The following AMER3 variants were observed in gnomAD, a reference collection of about 807,000 sequenced individuals.
AMER3 encodes the protein family with sequence similarity 123C.
For synonymous variants in AMER3, 541 were observed against 485.5 expected (o/e 1.11, Z -1.50); for missense variants, 1,201 against 1,139.4 (o/e 1.05, Z -0.78).
At position 130,764,502 on chromosome 2, in the gene AMER3, A is replaced by C; in HGVS notation, c.2430A>C (p.Pro810=). 1 of 1,601,656 alleles carries C rather than the reference A, an allele frequency of 6.2e-7. No individual in the cohort carries two copies. Among genetic ancestry groups the C allele is most frequent in the Non-Finnish European group, 8.5e-7 (1 of 1,174,660 alleles). Residue 810 remains proline, a synonymous_variant, in exon 2 of 2, where the codon CCA becomes CCC. Coordinates refer to ENST00000321420, the MANE Select transcript of AMER3 (RefSeq NM_152698.3). ...GGTGGAGTTCCCAGGGCCACCATCCAGAAAGCCTGGGCCTCACTTTGAACA... is the reference window on the plus strand; with the variant it reads ...GGTGGAGTTCCCAGGGCCACCATCCCGAAAGCCTGGGCCTCACTTTGAACA... ...AARWSSQGHH[P]ESLGLTLNSQ...
chr2:130,759,079 A>G (rs1678703687), intron 1 of AMER3, among the ~76,000 whole-genome samples: 1 of 152,242 alleles, frequency 6.6e-6, no homozygotes, highest in Non-Finnish European at 1.5e-5. Flanking sequence ...AAACATTTTA[A>G]TATGGATTTG....
At chr2:130,759,352 C>G (rs1678711455) in intron 1 of AMER3, among the ~76,000 whole-genome samples, 1 of 152,190 alleles carries the variant, frequency 6.6e-6, no homozygotes, top group Admixed American at 6.5e-5. Context: ...GTTATGAGAA[C>G]TGAGAAACTG....
chr2:130,764,222 T>C lies in AMER3; in HGVS notation c.2150T>C (p.Leu717Pro), dbSNP rs1004932923. 1.9e-6 allele frequency: 3 copies of C among 1,609,608 alleles called. No individual in the cohort carries two copies. The highest frequency in any genetic ancestry group is 2.5e-6 in the Non-Finnish European group (3 of 1,177,964). ...CGCTGGGCCAGGGGCCCTGACATGC[T>C]GGAGCAGAAACAGTCCAGCAGCTCC... ...GQRWARGPDM[L>P]EQKQSSSSPS... The change falls in exon 2 of 2, where the codon CTG (leucine) becomes CCG (proline). Residue 717 changes from leucine to proline, a missense_variant. Transcript: ENST00000321420.
intron 1 of AMER3, among the ~76,000 whole-genome samples, chr2:130,757,917 G>A (rs1005411494): frequency 3.3e-5 from 5 of 152,148 alleles, no homozygotes; most frequent in African/African-American, 1.2e-4. Flanking sequence ...AGGATCACAA[G>A]GTCAAGAGAT....
chr2:130,763,855 C>G lies in AMER3; in HGVS notation c.1783C>G (p.Leu595Val). ...LGGATQGTGT[L>V]SRDASREEET... ...AGGGGCCACACAAGGGACTGGCACA[C>G]TGTCCAGGGATGCCTCTCGAGAGGA... Residue 595 changes from leucine to valine, a missense_variant, in exon 2 of 2, where the codon CTG becomes GTG. Coordinates refer to ENST00000321420, the MANE Select transcript of AMER3 (RefSeq NM_152698.3). 6.2e-7 allele frequency: 1 copy of G among 1,613,416 alleles called. No individual in the cohort carries two copies. The highest frequency in any genetic ancestry group is 8.5e-7 in the Non-Finnish European group (1 of 1,180,020).
rs1678825329 is a variant in AMER3, at chr2:130,762,612, G to C, written c.540G>C (p.Glu180Asp). ...KTEDLASLAA[E>D]GKSLPSPGDP... ...AGGACTTGGCCTCGCTGGCGGCCGA[G>C]GGGAAAAGCCTGCCCTCCCCAGGGG... Residue 180 changes from glutamate to aspartate, a missense_variant, in exon 2 of 2, where the codon GAG becomes GAC. Transcript: ENST00000321420. The C allele has an allele frequency of 1.2e-6, 2 of 1,612,424 alleles. No homozygotes were observed. The highest frequency in any genetic ancestry group is 1.6e-4 in the Middle Eastern group (1 of 6,062).
rs1212282547 is a variant in AMER3 at position 130,764,706 on chromosome 2, T to C, written c.*48T>C. 2 of 1,512,088 alleles carry C rather than the reference T, an allele frequency of 1.3e-6. No homozygotes were observed. Among genetic ancestry groups the C allele is most frequent in the South Asian group, 2.6e-5 (2 of 75,648 alleles). 93.7% of individuals were successfully genotyped at this position (1,512,088 alleles called of 1,614,324 possible). On this transcript the variant is annotated 3_prime_UTR_variant, in exon 2 of 2. Transcript: ENST00000321420. ...ACTGCATGTGTCTTCATGACCACTT[T>C]CAGGAGAGCCTAGGACTCAAATCTC...
At chr2:130,759,944 C>T (rs1558965109) in intron 1 of AMER3, among the ~76,000 whole-genome samples, 2 of 152,220 alleles carry the variant, frequency 1.3e-5, no homozygotes, top group Non-Finnish European at 2.9e-5. Context: ...GTCATCTGAG[C>T]CACAGCTTGG....
chr2:130,760,933 C>T (rs915487821), intron 1 of AMER3, among the ~76,000 whole-genome samples: 28 of 151,916 alleles, frequency 1.8e-4, no homozygotes, highest in Admixed American at 4.6e-4. Context: ...GAACTCCCTG[C>T]CTGCTTCTCT....
Position 130,762,255 on chromosome 2 carries a change from A to G in AMER3, c.183A>G (p.Glu61=), listed in dbSNP as rs1161296713. 9 of 1,578,090 alleles carry G rather than the reference A, an allele frequency of 5.7e-6. No homozygotes were observed. The highest frequency in any genetic ancestry group is 6.9e-6 in the Non-Finnish European group (8 of 1,163,194). Reference sequence around the variant, plus strand: ...CCCAAGCCAGCCCCAGTGCCCAAGAATACGACAGATGCCCCAACAAAGGGG... The same window carrying G: ...CCCAAGCCAGCCCCAGTGCCCAAGAGTACGACAGATGCCCCAACAAAGGGG... ...KGPQASPSAQ[E]YDRCPNKGAQ... is the part of the protein sequence containing the mutation. The change falls in exon 2 of 2, where the codon GAA becomes GAG. Residue 61 remains glutamate (E), a synonymous_variant. Coordinates refer to ENST00000321420, the MANE Select transcript of AMER3 (RefSeq NM_152698.3).
rs188488878 is a variant in AMER3 at position 130,767,108 on chromosome 2, C to T, written c.*2450C>T. On this transcript the variant is annotated 3_prime_UTR_variant, in exon 2 of 2. Coordinates refer to ENST00000321420, the MANE Select transcript of AMER3 (RefSeq NM_152698.3). Reference sequence around the variant, plus strand: ...CCAAAATGTCACAACACATGTGCAGCACCCCGACATTCAGAACCATGAAGG... The same window carrying T: ...CCAAAATGTCACAACACATGTGCAGTACCCCGACATTCAGAACCATGAAGG... The T allele has an allele frequency of 4.0e-3, 668 of 167,212 alleles. 2 individuals are homozygous for T. Among genetic ancestry groups the T allele is most frequent in the Non-Finnish European group, 6.9e-3 (469 of 68,150 alleles). 10.4% of individuals were successfully genotyped at this position (167,212 alleles called of 1,614,324 possible). A position where few individuals can be genotyped will look rare whatever the true frequency, so the allele number is the denominator to read the frequency against.
chr2:130,758,396 AAAGGAAGG>A (rs369758599), intron 1 of AMER3, among the ~76,000 whole-genome samples: 3 of 150,256 alleles, frequency 2.0e-5, no homozygotes, highest in East Asian at 2.0e-4. Flanking sequence ...GAGAGAAAGG[AAAGGAAGG>A]AAGGAAGGAA....
chr2:130,765,993 C>T lies in AMER3; in HGVS notation c.*1335C>T, dbSNP rs898883781. 4.8e-5 allele frequency: 8 copies of T among 167,116 alleles called. No homozygotes were observed. Among genetic ancestry groups the T allele is most frequent in the African/African-American group, 1.9e-4 (8 of 41,454 alleles). 10.4% of individuals were successfully genotyped at this position (167,116 alleles called of 1,614,324 possible). On this transcript the variant is annotated 3_prime_UTR_variant, in exon 2 of 2. Coordinates refer to ENST00000321420, the MANE Select transcript of AMER3 (RefSeq NM_152698.3). The stretch of plus-strand genomic sequence containing the variant: ...CACCCCTTGTCAACTTGGCATCCAT[C>T]CGCATCCCCTTAAACCATTTTCAGT...
At position 130,762,472 on chromosome 2, in the gene AMER3, C is replaced by G. The variant is rs149619600; in HGVS notation, c.400C>G (p.Pro134Ala). 6.0e-5 allele frequency: 96 copies of G among 1,613,148 alleles called. 1 individual carries two copies. The highest frequency in any genetic ancestry group is 7.9e-5 in the Non-Finnish European group (93 of 1,180,000). The change falls in exon 2 of 2, where the codon CCC becomes GCC. Residue 134 changes from proline (P) to alanine (A), a missense_variant. Physicochemically the swap from Pro to Ala is conservative, Grantham distance 27 (BLOSUM62 -1). Coordinates refer to ENST00000321420, the MANE Select transcript of AMER3 (RefSeq NM_152698.3). ...CATGATCGACTACCGCCACTTTGTGCCCCAGATGCCCTTTGTGCCAGCTGT... is the reference window on the plus strand; with the variant it reads ...CATGATCGACTACCGCCACTTTGTGGCCCAGATGCCCTTTGTGCCAGCTGT... Reference protein sequence around the residue: ...RRMIDYRHFVPQMPFVPAVAK... With the variant: ...RRMIDYRHFVAQMPFVPAVAK...
intron 1 of AMER3, among the ~76,000 whole-genome samples, chr2:130,757,468 T>C (rs1410234698): frequency 1.3e-5 from 2 of 152,198 alleles, no homozygotes; most frequent in Non-Finnish European, 2.9e-5. Context: ...TGGCTCCCTG[T>C]GGCTTGCAGA....
In AMER3 at chr2:130,764,364, C is replaced by T; in HGVS notation, c.2292C>T (p.Val764=). 6.2e-7 allele frequency: 1 copy of T among 1,612,272 alleles called. No homozygotes were observed. The highest frequency in any genetic ancestry group is 8.5e-7 in the Non-Finnish European group (1 of 1,179,194). Residue 764 remains valine (V), a synonymous_variant, in exon 2 of 2, where the codon GTC becomes GTT. Transcript: ENST00000321420. The part of the protein sequence containing the change: ...WLRVEPTGLG[V]QAWASVEDQP... ...GGGTGGAGCCCACCGGGCTAGGTGTCCAGGCCTGGGCCTCTGTGGAGGACC... is the reference window on the plus strand; with the variant it reads ...GGGTGGAGCCCACCGGGCTAGGTGTTCAGGCCTGGGCCTCTGTGGAGGACC...
Position 130,764,497 on chromosome 2 carries a change from CATCCAG to C in AMER3, c.2427_2432del (p.His809_Glu811delinsGln). On this transcript the variant is annotated inframe_deletion, in exon 2 of 2. Coordinates refer to ENST00000321420, the MANE Select transcript of AMER3 (RefSeq NM_152698.3). ...TGCCCGGTGGAGTTCCCAGGGCCAC[CATCCAG>C]AAAGCCTGGGCCTCACTTTGAACAG... is the stretch of plus-strand genomic sequence containing the variant. The C allele has an allele frequency of 6.2e-7, 1 of 1,600,646 alleles. No individual in the cohort carries two copies. Among genetic ancestry groups the C allele is most frequent in the Non-Finnish European group, 8.5e-7 (1 of 1,174,192 alleles).
At chr2:130,760,068 T>C (rs1678731743) in intron 1 of AMER3, among the ~76,000 whole-genome samples, 1 of 152,166 alleles carries the variant, frequency 6.6e-6, no homozygotes, top group Non-Finnish European at 1.5e-5. Flanking sequence ...GGGAAAGACT[T>C]AGGCATACAC....
chr2:130,766,302 C>T lies in AMER3; in HGVS notation c.*1644C>T, dbSNP rs529221824. ...ATCTGGCCCCAGTCTGGCCTACTCG[C>T]TGCCCCAGGACAGGTGGCTACAACA... On this transcript the variant is annotated 3_prime_UTR_variant, in exon 2 of 2. Coordinates refer to ENST00000321420, the MANE Select transcript of AMER3 (RefSeq NM_152698.3). 121 of 167,212 alleles carry T rather than the reference C, an allele frequency of 7.2e-4. No homozygotes were observed. The highest frequency in any genetic ancestry group is 1.1e-3 in the Non-Finnish European group (78 of 68,150). 10.4% of individuals were successfully genotyped at this position (167,212 alleles called of 1,614,324 possible).
Sources: gnomAD v4.1 joint callset for allele counts (sites outside exome capture counted in the v4.1 genomes callset) on GRCh38, gnomAD v4.1.1 for gene constraint, MANE v1.5 for transcripts, NCBI Gene and HGNC (gene_info 2026-07-23, HGNC 2026-07-21) for gene names.